Variants in HIBCH observed in about 807,000 individuals in gnomAD.
HIBCH encodes the protein 3-hydroxyisobutyryl-CoA hydrolase, mitochondrial.
HIBCH carries 50 observed loss-of-function variants against 58.2 expected under a neutral mutation model. That is an observed-to-expected ratio of 0.86 (90% CI 0.68 to 1.09). The LOEUF is 1.09. Among genes scored for constraint, HIBCH ranks in the 50% least tolerant of loss-of-function variants. The probability of loss-of-function intolerance (pLI) is 0.00; values close to 1 mark genes in which losing one functional copy is unlikely to be tolerated. For missense variants in HIBCH, 450 were observed against 449.7 expected, an observed-to-expected ratio of 1.00 and a Z score of -0.01; for synonymous variants, 151 against 146.9, an observed-to-expected ratio of 1.03 and a Z score of -0.20.
intron 7 of HIBCH, among the ~76,000 whole-genome samples, chr2:190,259,319 A>ATGTGTGTG (rs370172555): frequency 0.075 from 9,166 of 121,930 alleles, 505 homozygotes; most frequent in South Asian, 0.11. Context: ...CAGTATACAG[A>ATGTGTGTG]TGTGTGTGTG....
At chr2:190,303,293 C>T (rs1168133127) in intron 2 of HIBCH, among the ~76,000 whole-genome samples, 2 of 152,128 alleles carry the variant, frequency 1.3e-5, no homozygotes, top group Admixed American at 6.6e-5. Context: ...AAAGAGCACT[C>T]CCAGAGTCTA....
In HIBCH at chr2:190,215,278, G is replaced by C. The variant is rs1690603954; in HGVS notation, c.892-2203C>G. On this transcript the variant is annotated intron_variant, in intron 11 of 13. Coordinates refer to ENST00000359678, the MANE Select transcript of HIBCH (RefSeq NM_014362.4). The surrounding 1 kb of genome is among the most constrained non-coding windows in gnomAD (Gnocchi z 4.4). Reference sequence around the variant, plus strand: ...TTTGGGAAAGACAGCGTCCTCCCAGGCAAGAAGTCCTGCCAACTGAGCAGA... The same window carrying C: ...TTTGGGAAAGACAGCGTCCTCCCAGCCAAGAAGTCCTGCCAACTGAGCAGA... The C allele has an allele frequency of 1.3e-5, 2 of 152,184 alleles. No homozygotes were observed. Among genetic ancestry groups the C allele is most frequent in the Non-Finnish European group, 2.9e-5 (2 of 68,044 alleles). The allele number at this position is 152,184 out of a possible 1,614,324, so 9.4% of individuals were successfully genotyped here. A position where few individuals can be genotyped will look rare whatever the true frequency, so the allele number is the denominator to read the frequency against.
intron 6 of HIBCH, among the ~76,000 whole-genome samples, chr2:190,271,710 A>G (rs1206053451): frequency 2.0e-5 from 3 of 152,160 alleles, no homozygotes; most frequent in South Asian, 2.1e-4. Context: ...AGTTCTTTCT[A>G]AAATGCAAAT....
At chr2:190,278,679 T>C (rs756481039) in intron 6 of HIBCH, among the ~76,000 whole-genome samples, 34 of 141,014 alleles carry the variant, frequency 2.4e-4, no homozygotes, top group Non-Finnish European at 4.3e-4. Flanking sequence ...GCTTTAAAAA[T>C]GCCTAGGTCT....
At position 190,294,633 on chromosome 2, in the gene HIBCH, A is replaced by G; in HGVS notation, c.220-3T>C. The G allele has an allele frequency of 6.3e-7, 1 of 1,592,816 alleles. No individual in the cohort carries two copies. The highest frequency in any genetic ancestry group is 8.6e-7 in the Non-Finnish European group (1 of 1,161,456). On this transcript the variant is annotated splice_region_variant and splice_polypyrimidine_tract_variant and intron_variant, in intron 3 of 13. Transcript: ENST00000359678. ...GTTTCAGGATCTTGTTCCCACTTCT[A>G]TTCAAATGTAACAGAAGATGGTATA...
intron 1 of HIBCH, among the ~76,000 whole-genome samples, chr2:190,313,748 G>T (rs974623418): frequency 9.9e-5 from 15 of 151,824 alleles, no homozygotes; most frequent in Admixed American, 3.9e-4. Flanking sequence ...GTGGGGCACA[G>T]GCACAGATAC....
chr2:190,250,880 C>T lies in HIBCH; in HGVS notation c.664-1154G>A, dbSNP rs189318453. Among the ~76,000 whole-genome samples, 6 of 152,306 alleles carry T rather than the reference C, an allele frequency of 3.9e-5. No individual in the cohort carries two copies. The East Asian group carries it at 1.2e-3, about 29-fold the overall frequency. On this transcript the variant is annotated intron_variant, in intron 8 of 13. Coordinates refer to ENST00000359678, the MANE Select transcript of HIBCH (RefSeq NM_014362.4). ...TTTATGAAGAGAATTCTATTAGTGACCAAACAGTACATTTTTATGCTATCC... is the reference window on the plus strand; with the variant it reads ...TTTATGAAGAGAATTCTATTAGTGATCAAACAGTACATTTTTATGCTATCC...
At chr2:190,274,898 T>A (rs1256148162) in intron 6 of HIBCH, among the ~76,000 whole-genome samples, 2 of 152,226 alleles carry the variant, frequency 1.3e-5, no homozygotes, top group South Asian at 4.1e-4. Flanking sequence ...CTCTTACAAA[T>A]AGAGATTTCC....
chr2:190,310,825 C>G, intron 1 of HIBCH, 29 bp from the exon 2 acceptor site: 11 of 1,512,418 alleles, frequency 7.3e-6, no homozygotes, highest in Non-Finnish European at 9.2e-6. Context: ...ACAATGAGAA[C>G]AGTAATGTGG....
At chr2:190,317,814 C>T (rs886095586) in intron 1 of HIBCH, among the ~76,000 whole-genome samples, 32 of 151,184 alleles carry the variant, frequency 2.1e-4, no homozygotes, top group Non-Finnish European at 3.7e-4. Context: ...ATTTATTTTT[C>T]TTTTCCTTTT....
At chr2:190,286,820 T>C (rs925123925) in intron 6 of HIBCH, among the ~76,000 whole-genome samples, 1 of 150,806 alleles carries the variant, frequency 6.6e-6, no homozygotes. Flanking sequence ...AAATTTTGAG[T>C]AACAGGTACA....
chr2:190,284,020 C>T (rs780790561), intron 6 of HIBCH, among the ~76,000 whole-genome samples: 2 of 152,224 alleles, frequency 1.3e-5, no homozygotes, highest in Non-Finnish European at 2.9e-5. Context: ...AGCCTCGAGA[C>T]TGATTCTCTA....
chr2:190,199,960 T>G, downstream of HIBCH: 2 of 1,614,104 alleles, frequency 1.2e-6, no homozygotes, highest in Non-Finnish European at 1.7e-6. Flanking sequence ...AGAAGAGAGA[T>G]GTCTACCTAG....
Position 190,262,161 on chromosome 2 carries a change from G to GTC in HIBCH, c.439-928_439-927insGA, listed in dbSNP as rs555160781. 6.2e-4 allele frequency among the ~76,000 whole-genome samples: 62 copies of GTC among 99,968 alleles called. 3 individuals carry two copies. Among genetic ancestry groups the GTC allele is most frequent in the Middle Eastern group, 5.7e-3 (1 of 176 alleles). The allele number at this position is 99,968 out of a possible 152,430, so 65.6% of individuals were successfully genotyped here. ...AAAAGCTGGTTTTATATGCGGTAGAGACAAAAAAAAAAAAAAGAAAAGAAA... is the reference window on the plus strand; with the variant it reads ...AAAAGCTGGTTTTATATGCGGTAGAGTCACAAAAAAAAAAAAAAGAAAAGAAA... On this transcript the variant is annotated intron_variant, in intron 6 of 13. Coordinates refer to ENST00000359678, the MANE Select transcript of HIBCH (RefSeq NM_014362.4).
chr2:190,297,746 T>C (rs1688141760), intron 2 of HIBCH, among the ~76,000 whole-genome samples: 1 of 152,196 alleles, frequency 6.6e-6, no homozygotes, highest in Admixed American at 6.5e-5. Context: ...TCAGGACTCA[T>C]GGCATCACTA....
At chr2:190,251,684 TTAAA>T in intron 8 of HIBCH, 1 of 212,828 alleles carries the variant, frequency 4.7e-6, no homozygotes, top group South Asian at 6.5e-5. Context: ...TGTTTTTTTT[TTAAA>T]AAAAAAAAAG....
At chr2:190,280,909 TCA>T (rs1687690584) in intron 6 of HIBCH, 1 of 152,236 alleles carries the variant, frequency 6.6e-6, no homozygotes, top group African/African-American at 2.4e-5. Context: ...TAATAAACTG[TCA>T]CTCCTGCTCA....
chr2:190,241,812 T>C (rs950794752), intron 11 of HIBCH, among the ~76,000 whole-genome samples: 1 of 152,196 alleles, frequency 6.6e-6, no homozygotes. Context: ...CTGGATTGTA[T>C]GGTTTCTACA....
chr2:190,285,454 C>T (rs770676658), intron 6 of HIBCH, among the ~76,000 whole-genome samples: 8 of 152,180 alleles, frequency 5.3e-5, no homozygotes, highest in Non-Finnish European at 8.8e-5. Context: ...AACCAACCCA[C>T]GCTCAGTTTC....
Sources: allele counts gnomAD v4.1 joint callset (sites outside exome capture counted in the v4.1 genomes callset), GRCh38; gene constraint gnomAD v4.1.1; non-coding constraint Gnocchi (gnomAD v3.1); transcripts MANE v1.5; gene names NCBI Gene and HGNC (gene_info 2026-07-23, HGNC 2026-07-21).